The following RAB28 variants were observed in gnomAD, a reference collection of about 807,000 sequenced individuals.
RAB28 encodes the protein RAB28, member RAS oncogene family.
A neutral mutation model predicts 31.7 loss-of-function variants in RAB28; 24 were observed. That is an observed-to-expected ratio of 0.76 (90% confidence interval 0.55 to 1.06). The LOEUF is 1.06. Among genes scored for constraint, RAB28 ranks in the 50% least tolerant of loss-of-function variants. RAB28 has a pLI of 0.00. For missense variants in RAB28, 254 were observed against 258.5 expected, an observed-to-expected ratio of 0.98 and a Z score of 0.12; for synonymous variants, 100 against 90.4, an observed-to-expected ratio of 1.11 and a Z score of -0.60.
intron 3 of RAB28, among the ~76,000 whole-genome samples, chr4:13,465,617 T>C (rs996117814): frequency 5.9e-5 from 9 of 151,880 alleles, no homozygotes; most frequent in Non-Finnish European, 1.0e-4. Flanking sequence ...GAGCATTCAT[T>C]GTCAGCAAAC....
chr4:13,480,449 T>G (rs944409521), intron 1 of RAB28, among the ~76,000 whole-genome samples: 1 of 151,854 alleles, frequency 6.6e-6, no homozygotes, highest in Non-Finnish European at 1.5e-5. Context: ...AAAATAGCCG[T>G]TTTTTATTTT....
chr4:13,447,732 T>C (rs931944800), intron 4 of RAB28, among the ~76,000 whole-genome samples: 6 of 152,170 alleles, frequency 3.9e-5, no homozygotes, highest in African/African-American at 1.4e-4. Flanking sequence ...AATAGCTATA[T>C]TTATTATGAT....
chr4:13,437,355 C>T (rs991955975), intron 4 of RAB28, among the ~76,000 whole-genome samples: 2 of 151,938 alleles, frequency 1.3e-5, no homozygotes, highest in African/African-American at 4.8e-5. Flanking sequence ...AAAACAAAAA[C>T]TGACAAATGG....
At chr4:13,375,729 CA>C (rs1728892326) in intron 6 of RAB28, among the ~76,000 whole-genome samples, 1 of 151,738 alleles carries the variant, frequency 6.6e-6, no homozygotes. Context: ...ACAGCCATAT[CA>C]GTGTAACAAT....
intron 4 of RAB28, among the ~76,000 whole-genome samples, chr4:13,454,088 C>T (rs943050202): frequency 1.3e-5 from 2 of 151,886 alleles, no homozygotes; most frequent in Non-Finnish European, 2.9e-5. Context: ...CTTCAAGTTG[C>T]AGAATTCTTT....
intron 3 of RAB28, among the ~76,000 whole-genome samples, chr4:13,461,371 T>C (rs546562091): frequency 4.7e-4 from 71 of 152,324 alleles, no homozygotes; most frequent in Non-Finnish European, 8.4e-4. Flanking sequence ...CTTGAGAGTA[T>C]CTTTCTTAAA....
At chr4:13,426,079 T>G (rs1412895158) in intron 4 of RAB28, among the ~76,000 whole-genome samples, 1 of 152,180 alleles carries the variant, frequency 6.6e-6, no homozygotes, top group Non-Finnish European at 1.5e-5. Context: ...ACCATCAAAT[T>G]TATCTCTGGA....
chr4:13,404,238 C>T (rs1282306210), intron 4 of RAB28, among the ~76,000 whole-genome samples: 1 of 151,940 alleles, frequency 6.6e-6, no homozygotes, highest in Non-Finnish European at 1.5e-5. Context: ...ATTAGCCAGG[C>T]GGGGTGGCGC....
intron 4 of RAB28, among the ~76,000 whole-genome samples, chr4:13,417,784 G>A (rs1276278651): frequency 6.6e-6 from 1 of 152,158 alleles, no homozygotes; most frequent in Non-Finnish European, 1.5e-5. Flanking sequence ...AAACCACAAA[G>A]ATGGGGAGAA....
intron 4 of RAB28, among the ~76,000 whole-genome samples, chr4:13,453,927 C>G (rs1715149479): frequency 6.6e-6 from 1 of 152,256 alleles, no homozygotes; most frequent in Non-Finnish European, 1.5e-5. Context: ...TACAACTTGT[C>G]TCTTCTCTTT....
At chr4:13,446,560 G>C (rs1046923849) in intron 4 of RAB28, among the ~76,000 whole-genome samples, 2 of 152,184 alleles carry the variant, frequency 1.3e-5, no homozygotes, top group African/African-American at 4.8e-5. Flanking sequence ...TAGCACCCGG[G>C]GTAGGTAGCA....
Position 13,483,901 on chromosome 4 carries a change from T to C in RAB28, c.75+175A>G, listed in dbSNP as rs530188263. Reference sequence around the variant, plus strand: ...TTAAGGGGGAGCTGGACAGCTCTCGTCGGCCTTCACCAAGCGCCCACTTCG... The same window carrying C: ...TTAAGGGGGAGCTGGACAGCTCTCGCCGGCCTTCACCAAGCGCCCACTTCG... On this transcript the variant is annotated intron_variant, in intron 1 of 6. Transcript: ENST00000330852. 2.6e-4 allele frequency among the ~76,000 whole-genome samples: 39 copies of C among 152,158 alleles called. 1 individual carries two copies. Among genetic ancestry groups the C allele is most frequent in the Admixed American group, 9.2e-4 (14 of 15,290 alleles).
rs1711535487 is a variant in RAB28, at chr4:13,398,143, T to G, written c.392-16549A>C. Among the ~76,000 whole-genome samples the G allele has an allele frequency of 2.0e-5, 3 of 152,218 alleles. No homozygotes were observed. The South Asian group carries it at 6.2e-4, about 31-fold the overall frequency. ...GAAATAATAGGTCTAAAAGCACTATTGAGTAAGTAAATCCTTTTTATATTT... is the reference window on the plus strand; with the variant it reads ...GAAATAATAGGTCTAAAAGCACTATGGAGTAAGTAAATCCTTTTTATATTT... On this transcript the variant is annotated intron_variant, in intron 4 of 6. Transcript: ENST00000330852.
chr4:13,373,223 C>A (rs997605082), intron 6 of RAB28, among the ~76,000 whole-genome samples: 1 of 152,054 alleles, frequency 6.6e-6, no homozygotes, highest in East Asian at 1.9e-4. Context: ...ATTTCCTAAA[C>A]AACGGCAATT....
intron 4 of RAB28, among the ~76,000 whole-genome samples, chr4:13,431,690 A>C (rs779265764): frequency 1.3e-5 from 2 of 152,104 alleles, no homozygotes; most frequent in African/African-American, 4.8e-5. Context: ...AGGAGCCCAC[A>C]CAGAGCCTTG....
In RAB28 at chr4:13,474,309, A is replaced by G. The variant is rs1560146831; in HGVS notation, c.261+9T>C. 1.9e-6 allele frequency: 3 copies of G among 1,545,790 alleles called. No homozygotes were observed. The highest frequency in any genetic ancestry group is 1.1e-5 in the South Asian group (1 of 88,232). ...TTCAATACTGGAATAATCAGAATTC[A>G]TATCATACCTGTGCTCCATAGATAT... On this transcript the variant is annotated intron_variant, in intron 3 of 6. Transcript: ENST00000330852.
intron 2 of RAB28, among the ~76,000 whole-genome samples, chr4:13,475,820 A>G (rs1187779309): frequency 6.6e-6 from 1 of 151,568 alleles, no homozygotes; most frequent in Non-Finnish European, 1.5e-5. Flanking sequence ...AATTTCTCAA[A>G]AATCTAAATT....
At chr4:13,380,903 A>G (rs1729101199) in intron 5 of RAB28, among the ~76,000 whole-genome samples, 1 of 152,048 alleles carries the variant, frequency 6.6e-6, no homozygotes, top group Non-Finnish European at 1.5e-5. Context: ...ATTAAATGAC[A>G]TGGGAACAAT....
chr4:13,409,187 C>G (rs1712277409), intron 4 of RAB28, among the ~76,000 whole-genome samples: 1 of 152,034 alleles, frequency 6.6e-6, no homozygotes, highest in Admixed American at 6.6e-5. Flanking sequence ...CCAAGTCACC[C>G]TCAAAAAGCA....
Sources: gnomAD v4.1 joint callset for allele counts (sites outside exome capture counted in the v4.1 genomes callset) on GRCh38, gnomAD v4.1.1 for gene constraint, MANE v1.5 for transcripts, NCBI Gene and HGNC (gene_info 2026-07-23, HGNC 2026-07-21) for gene names.